The following MOB1B variants were observed in gnomAD, a reference collection of about 807,000 sequenced individuals.
The protein encoded by MOB1B is MOB kinase activator 1B.
MOB1B carries 19 observed loss-of-function variants against 24.4 expected under a neutral mutation model. The ratio of observed to expected loss-of-function variants is 0.78; its 90% confidence interval spans 0.54 to 1.14. The LOEUF is 1.14. MOB1B is among the 50% of genes most tolerant of loss of function. The pLI is 0.00. For synonymous variants in MOB1B, 76 were observed against 82.1 expected (o/e 0.93, Z 0.40); for missense variants, 243 against 259.6 (o/e 0.94, Z 0.44).
At chr4:70,976,148 C>T in intron 4 of MOB1B, 1 of 913,742 alleles carries the variant, frequency 1.1e-6, no homozygotes, top group Non-Finnish European at 1.3e-6. Context: ...GTGATCTACC[C>T]ACCTCGGCCT....
At chr4:70,975,570 C>G in intron 4 of MOB1B, 1 of 1,033,928 alleles carries the variant, frequency 9.7e-7, no homozygotes, top group Non-Finnish European at 1.2e-6. Context: ...TGATCTCCCT[C>G]TCTTAAGGTA....
chr4:70,959,297 C>A (rs1226629945), intron 2 of MOB1B, among the ~76,000 whole-genome samples: 1 of 152,196 alleles, frequency 6.6e-6, no homozygotes, highest in Non-Finnish European at 1.5e-5. Context: ...CAGCCTTGAA[C>A]TCCTGGGCTC....
At chr4:70,910,145 A>T (rs1578342084) in intron 1 of MOB1B, among the ~76,000 whole-genome samples, 1 of 150,552 alleles carries the variant, frequency 6.6e-6, no homozygotes, top group Non-Finnish European at 1.5e-5. Flanking sequence ...GGTTCAAGTG[A>T]CTGTCCTGCC....
chr4:70,905,451 G>C (rs1276069365), intron 1 of MOB1B, among the ~76,000 whole-genome samples: 2 of 151,188 alleles, frequency 1.3e-5, no homozygotes, highest in Non-Finnish European at 2.9e-5. Context: ...GTTTTGCCAT[G>C]TTGCCCAGGC....
In MOB1B at chr4:70,953,858, C is replaced by T. The variant is rs368387619; in HGVS notation, c.15-5016C>T. ...ACTTGGGAGGCTGAGGCAGGAGAAT[C>T]ACTTGAACTTGGGAGGCGGAGGTTT... On this transcript the variant is annotated intron_variant, in intron 1 of 5. Transcript: ENST00000309395. 2.4e-4 allele frequency among the ~76,000 whole-genome samples: 36 copies of T among 152,188 alleles called. 1 individual carries two copies. The highest frequency in any genetic ancestry group is 2.1e-3 in the East Asian group (11 of 5,176).
chr4:70,902,791 C>A (rs558173983), intron 1 of MOB1B, among the ~76,000 whole-genome samples: 1 of 152,212 alleles, frequency 6.6e-6, no homozygotes, highest in African/African-American at 2.4e-5. Flanking sequence ...TTCTTCCCCC[C>A]CGGCACACCC....
intron 1 of MOB1B, chr4:70,950,888 A>AT (rs2148889814): frequency 9.9e-6 from 8 of 810,024 alleles, no homozygotes; most frequent in Non-Finnish European, 1.6e-5. Context: ...TAAGGTAGGT[A>AT]TTATTATCTC....
At chr4:70,959,540 A>G (rs890060665) in intron 2 of MOB1B, among the ~76,000 whole-genome samples, 6 of 152,196 alleles carry the variant, frequency 3.9e-5, no homozygotes, top group African/African-American at 1.4e-4. Flanking sequence ...TGAATATGGA[A>G]TTTTATGAAA....
intron 5 of MOB1B, among the ~76,000 whole-genome samples, chr4:70,981,351 T>A (rs1002328895): frequency 6.6e-6 from 1 of 152,052 alleles, no homozygotes; most frequent in African/African-American, 2.4e-5. Context: ...AGCCTTATAG[T>A]TTATAGTTCA....
At chr4:70,904,176 G>GT (rs1266393979) in intron 1 of MOB1B, among the ~76,000 whole-genome samples, 1 of 150,946 alleles carries the variant, frequency 6.6e-6, no homozygotes, top group Non-Finnish European at 1.5e-5. Context: ...AGAGATGGGG[G>GT]TTTCACCATG....
At chr4:70,977,006 A>ACATT (rs898628175) in intron 4 of MOB1B, among the ~76,000 whole-genome samples, 1 of 151,978 alleles carries the variant, frequency 6.6e-6, no homozygotes, top group Admixed American at 6.5e-5. Context: ...ACATACACAT[A>ACATT]CATTCATTCA....
chr4:70,929,187 T>G (rs1453487929), intron 1 of MOB1B, among the ~76,000 whole-genome samples: 8 of 147,676 alleles, frequency 5.4e-5, no homozygotes, highest in Non-Finnish European at 1.2e-4. Flanking sequence ...TCTTTCTTTT[T>G]TTTTTTTTTT....
At chr4:70,942,928 G>A in intron 1 of MOB1B, 1 of 550,958 alleles carries the variant, frequency 1.8e-6, no homozygotes, top group Non-Finnish European at 2.3e-6. Flanking sequence ...GAGCATTGTG[G>A]CAGTATTTCC....
At chr4:70,911,815 A>T (rs967963447) in intron 1 of MOB1B, among the ~76,000 whole-genome samples, 1 of 152,160 alleles carries the variant, frequency 6.6e-6, no homozygotes. Flanking sequence ...AGGAATGTCA[A>T]ACTGAGTCCT....
chr4:70,903,100 C>T (rs578204335), intron 1 of MOB1B, among the ~76,000 whole-genome samples: 6 of 152,192 alleles, frequency 3.9e-5, no homozygotes, highest in Non-Finnish European at 7.3e-5. Flanking sequence ...AACAAGGCTA[C>T]TTGCGGGTCG....
At chr4:70,940,340 A>G (rs1394592240) in intron 1 of MOB1B, among the ~76,000 whole-genome samples, 2 of 152,030 alleles carry the variant, frequency 1.3e-5, no homozygotes, top group Non-Finnish European at 2.9e-5. Flanking sequence ...CCTCCCTTCT[A>G]TACCACTAGG....
intron 1 of MOB1B, among the ~76,000 whole-genome samples, chr4:70,936,956 G>A (rs1007345435): frequency 1.8e-4 from 28 of 151,662 alleles, no homozygotes; most frequent in African/African-American, 6.3e-4. Flanking sequence ...TTGCTCTGTT[G>A]CCCAGGCTGG....
intron 1 of MOB1B, among the ~76,000 whole-genome samples, chr4:70,918,106 C>G (rs1181180545): frequency 2.0e-5 from 3 of 152,122 alleles, no homozygotes; most frequent in Admixed American, 1.3e-4. Context: ...TTTTGGCAAT[C>G]CCATGTACCT....
At chr4:70,970,930 TAGCCC>T (rs1204829037) in intron 3 of MOB1B, among the ~76,000 whole-genome samples, 3 of 152,240 alleles carry the variant, frequency 2.0e-5, no homozygotes, top group Admixed American at 2.0e-4. Context: ...CACTTCTTTC[TAGCCC>T]ATGGAGATGA....
Sources: gnomAD v4.1 joint callset for allele counts (sites outside exome capture counted in the v4.1 genomes callset) on GRCh38, gnomAD v4.1.1 for gene constraint, MANE v1.5 for transcripts, NCBI Gene and HGNC (gene_info 2026-07-23, HGNC 2026-07-21) for gene names.